The following ZNF385D variants were observed in gnomAD, a reference collection of about 807,000 sequenced individuals.
The protein encoded by ZNF385D is zinc finger protein 659.
A neutral mutation model predicts 35.8 loss-of-function variants in ZNF385D; 15 were observed. The observed-to-expected ratio is 0.42, with a 90% confidence interval of 0.28 to 0.64. The LOEUF is 0.64. Among genes scored for constraint, ZNF385D ranks in the 30% least tolerant of loss-of-function variants. The probability of loss-of-function intolerance (pLI) is 0.23; values close to 1 mark genes in which losing one functional copy is unlikely to be tolerated. For synonymous variants in ZNF385D, 212 were observed against 186.8 expected, an observed-to-expected ratio of 1.13 and a Z score of -1.10; for missense variants, 474 against 494.6, an observed-to-expected ratio of 0.96 and a Z score of 0.39.
chr3:21,890,406 G>A (rs1232598297), intron 3 of ZNF385D, among the ~76,000 whole-genome samples: 2 of 152,096 alleles, frequency 1.3e-5, no homozygotes, highest in Non-Finnish European at 2.9e-5. Flanking sequence ...ATCACCTGAG[G>A]TCAGGAGTTT....
intron 3 of ZNF385D, among the ~76,000 whole-genome samples, chr3:21,547,134 A>G (rs1382765559): frequency 1.3e-5 from 2 of 152,054 alleles, no homozygotes; most frequent in Admixed American, 6.6e-5. Context: ...CTTCACTGAT[A>G]TGTAATTGTG....
chr3:21,479,955 T>C (rs888868120), intron 4 of ZNF385D, among the ~76,000 whole-genome samples: 5 of 152,148 alleles, frequency 3.3e-5, no homozygotes, highest in African/African-American at 1.2e-4. Context: ...GGAAATAAAA[T>C]CTACAGCCAT....
intron 2 of ZNF385D, among the ~76,000 whole-genome samples, chr3:22,249,370 C>A (rs1699953364): frequency 6.6e-6 from 1 of 152,072 alleles, no homozygotes; most frequent in Non-Finnish European, 1.5e-5. Context: ...ATTTTTGTTA[C>A]ACGGTTCATC....
At position 21,569,454 on chromosome 3, in the gene ZNF385D, GTC is replaced by G. The variant is rs1195650941; in HGVS notation, c.166-4772_166-4771del. 1.8e-3 allele frequency among the ~76,000 whole-genome samples: 271 copies of G among 150,894 alleles called. 2 individuals are homozygous for G. The highest frequency in any genetic ancestry group is 6.3e-3 in the African/African-American group (254 of 40,616). On this transcript the variant is annotated intron_variant, in intron 2 of 7. Transcript: ENST00000281523. ...ATGCTTTTATTTTGAGCCTATGTGT[GTC>G]TCTGCATGTGAGATGGGTTTCCTGA... is the stretch of plus-strand genomic sequence containing the variant.
At chr3:21,710,165 T>C (rs936320807) in intron 1 of ZNF385D, among the ~76,000 whole-genome samples, 1 of 152,092 alleles carries the variant, frequency 6.6e-6, no homozygotes, top group Non-Finnish European at 1.5e-5. Context: ...ATAAAAGACA[T>C]GAAGGAGTTT....
chr3:21,807,917 T>C (rs78668186), intron 3 of ZNF385D, among the ~76,000 whole-genome samples: 63 of 152,288 alleles, frequency 4.1e-4, no homozygotes, highest in South Asian at 6.2e-4. Flanking sequence ...GCTAAATTTA[T>C]AGAAGGAAAT....
At chr3:21,581,426 C>T (rs550667410) in intron 2 of ZNF385D, among the ~76,000 whole-genome samples, 6 of 152,270 alleles carry the variant, frequency 3.9e-5, no homozygotes, top group African/African-American at 1.4e-4. Context: ...GATTTACCAT[C>T]TTCTACTGAA....
intron 3 of ZNF385D, among the ~76,000 whole-genome samples, chr3:22,144,718 T>C (rs1364227225): frequency 6.6e-6 from 1 of 152,096 alleles, no homozygotes; most frequent in African/African-American, 2.4e-5. Flanking sequence ...TTTTATTTAT[T>C]ATTATGTGTA....
chr3:21,810,522 TA>T (rs567808973), intron 3 of ZNF385D, among the ~76,000 whole-genome samples: 7 of 152,006 alleles, frequency 4.6e-5, no homozygotes, highest in African/African-American at 7.3e-5. Flanking sequence ...TAAAGTATAA[TA>T]AAAAAACTAT....
chr3:22,343,997 T>C (rs1383016648), intron 2 of ZNF385D, among the ~76,000 whole-genome samples: 1 of 152,168 alleles, frequency 6.6e-6, no homozygotes. Context: ...CCACCCATTA[T>C]TTAAGATCCA....
At chr3:21,849,932 T>C (rs568152638) in intron 3 of ZNF385D, among the ~76,000 whole-genome samples, 26 of 152,072 alleles carry the variant, frequency 1.7e-4, no homozygotes, top group Admixed American at 2.6e-4. Context: ...TTTGTAGGGA[T>C]AGGGTCTCAC....
intron 3 of ZNF385D, among the ~76,000 whole-genome samples, chr3:21,968,169 C>G (rs982698666): frequency 1.1e-4 from 16 of 152,128 alleles, no homozygotes; most frequent in Non-Finnish European, 1.9e-4. Context: ...CAGCGGAAAG[C>G]AACATCGGGT....
At chr3:22,293,117 C>G (rs1702387855) in intron 2 of ZNF385D, among the ~76,000 whole-genome samples, 1 of 152,044 alleles carries the variant, frequency 6.6e-6, no homozygotes, top group Non-Finnish European at 1.5e-5. Flanking sequence ...GCTATCTTTT[C>G]ACTTATACAT....
At chr3:21,556,062 G>GTTTTTTTTTTTTTTTTT (rs1362972751) in intron 3 of ZNF385D, among the ~76,000 whole-genome samples, 5 of 93,140 alleles carry the variant, frequency 5.4e-5, no homozygotes, top group Admixed American at 1.0e-4. Context: ...CGTTTTTTTT[G>GTTTTTTTTTTTTTTTTT]TTTTTGTTTT....
intron 2 of ZNF385D, among the ~76,000 whole-genome samples, chr3:22,236,565 C>T (rs890444892): frequency 6.6e-6 from 1 of 152,094 alleles, no homozygotes; most frequent in Non-Finnish European, 1.5e-5. Flanking sequence ...AAGATATAAT[C>T]ACTTACCATA....
At chr3:21,578,732 A>G (rs941666075) in intron 2 of ZNF385D, among the ~76,000 whole-genome samples, 5 of 152,106 alleles carry the variant, frequency 3.3e-5, no homozygotes, top group Admixed American at 6.6e-5. Flanking sequence ...TTGGGTTTCT[A>G]TAGCTTTGTA....
chr3:22,162,694 T>C (rs1706042058), intron 3 of ZNF385D, among the ~76,000 whole-genome samples: 1 of 152,180 alleles, frequency 6.6e-6, no homozygotes, highest in African/African-American at 2.4e-5. Flanking sequence ...CTTCAACCAT[T>C]TGGCCTCTCC....
At chr3:22,151,331 A>G (rs768110065) in intron 3 of ZNF385D, among the ~76,000 whole-genome samples, 5 of 152,138 alleles carry the variant, frequency 3.3e-5, no homozygotes, top group Admixed American at 1.3e-4. Flanking sequence ...AAAATGTCTA[A>G]TGTCAGGTGG....
intron 1 of ZNF385D, among the ~76,000 whole-genome samples, chr3:21,695,266 G>A (rs369944025): frequency 4.6e-5 from 7 of 152,250 alleles, no homozygotes; most frequent in African/African-American, 1.4e-4. Flanking sequence ...AGTAGCTTTC[G>A]GAAATTACTT....
Sources: allele counts gnomAD v4.1 joint callset (sites outside exome capture counted in the v4.1 genomes callset), GRCh38; gene constraint gnomAD v4.1.1; transcripts MANE v1.5; gene names NCBI Gene and HGNC (gene_info 2026-07-23, HGNC 2026-07-21).